MGAT4C: variants seen among roughly 807,000 people sequenced by gnomAD.
The protein encoded by MGAT4C is alpha-1,3-mannosyl-glycoprotein 4-beta-N-acetylglucosaminyltransferase C.
Under a neutral mutation model 40.1 loss-of-function variants are expected in MGAT4C, and 19 were observed. The ratio of observed to expected loss-of-function variants is 0.47; its 90% CI spans 0.33 to 0.70. The LOEUF (loss-of-function observed/expected upper bound fraction) is 0.70, where lower values mean the gene tolerates loss of function less well. MGAT4C is among the 30% of genes least tolerant of loss of function. MGAT4C has a pLI of 0.02. For synonymous variants in MGAT4C, 181 were observed against 187.1 expected, an observed-to-expected ratio of 0.97 and a Z score of 0.27; for missense variants, 491 against 563.2, an observed-to-expected ratio of 0.87 and a Z score of 1.30.
At chr12:86,567,885 T>C (rs1311250298) in intron 2 of MGAT4C, among the ~76,000 whole-genome samples, 1 of 152,228 alleles carries the variant, frequency 6.6e-6, no homozygotes, top group African/African-American at 2.4e-5. Context: ...ATTGACTTCA[T>C]ATCAGCATTT....
chr12:86,373,259 C>T (rs1471227287), intron 3 of MGAT4C, among the ~76,000 whole-genome samples: 1 of 151,876 alleles, frequency 6.6e-6, no homozygotes, highest in Non-Finnish European at 1.5e-5. Flanking sequence ...TTTATTTTTA[C>T]TGTAACATTT....
At chr12:86,486,682 T>C (rs1297825468) in intron 2 of MGAT4C, among the ~76,000 whole-genome samples, 1 of 152,004 alleles carries the variant, frequency 6.6e-6, no homozygotes, top group Non-Finnish European at 1.5e-5. Context: ...GGCAAACAAC[T>C]AACAAAAAAA....
At chr12:86,604,124 A>G (rs1593035438) in intron 2 of MGAT4C, among the ~76,000 whole-genome samples, 1 of 152,112 alleles carries the variant, frequency 6.6e-6, no homozygotes, top group East Asian at 1.9e-4. Context: ...TAATCAACGG[A>G]TAGCCTGGTT....
chr12:86,122,492 C>T (rs1879526500), intron 1 of MGAT4C, among the ~76,000 whole-genome samples: 1 of 152,078 alleles, frequency 6.6e-6, no homozygotes, highest in African/African-American at 2.4e-5. Context: ...ATTTATATGA[C>T]ACTTTTCATC....
At chr12:86,193,378 C>A (rs1435580154) in intron 1 of MGAT4C, among the ~76,000 whole-genome samples, 2 of 151,716 alleles carry the variant, frequency 1.3e-5, no homozygotes, top group African/African-American at 2.4e-5. Context: ...CTCACTTGCC[C>A]CACTATTAAT....
chr12:86,443,205 T>TAC (rs199586329), intron 2 of MGAT4C, among the ~76,000 whole-genome samples: 9,969 of 150,366 alleles, frequency 0.066, 770 homozygotes, highest in East Asian at 0.23. Context: ...TGTATATATA[T>TAC]ACACACACAC....
intron 2 of MGAT4C, among the ~76,000 whole-genome samples, chr12:86,574,265 T>C (rs982374930): frequency 6.6e-6 from 1 of 151,716 alleles, no homozygotes; most frequent in Non-Finnish European, 1.5e-5. Context: ...CATATTCAAG[T>C]AGGGATGACA....
chr12:86,349,009 A>G (rs753379280), intron 3 of MGAT4C, among the ~76,000 whole-genome samples: 32 of 152,144 alleles, frequency 2.1e-4, no homozygotes, highest in Admixed American at 8.5e-4. Flanking sequence ...AAAATTAAGC[A>G]TTTTGTTAGA....
chr12:86,653,832 AT>A (rs1565906162), intron 2 of MGAT4C, among the ~76,000 whole-genome samples: 3 of 151,968 alleles, frequency 2.0e-5, no homozygotes, highest in African/African-American at 7.2e-5. Flanking sequence ...AATATGTAGT[AT>A]TAAATAAAAT....
At chr12:86,774,348 TCTCTCCCCTCTC>T (rs1565981737) in intron 1 of MGAT4C, among the ~76,000 whole-genome samples, 8 of 63,466 alleles carry the variant, frequency 1.3e-4, no homozygotes, top group Non-Finnish European at 2.5e-4. Flanking sequence ...TCTGTCTCTC[TCTCTCCCCTCTC>T]TCTCTCTCTC....
intron 2 of MGAT4C, among the ~76,000 whole-genome samples, chr12:86,687,208 A>C (rs1160026628): frequency 6.6e-6 from 1 of 150,770 alleles, no homozygotes; most frequent in Admixed American, 6.6e-5. Flanking sequence ...TTCATTTTTT[A>C]TTTTCTATTC....
At chr12:86,667,924 TGATTGTTTGCACATG>T (rs1245334818) in intron 2 of MGAT4C, among the ~76,000 whole-genome samples, 2 of 152,212 alleles carry the variant, frequency 1.3e-5, no homozygotes, top group Non-Finnish European at 2.9e-5. Context: ...GAAGCAAGGT[TGATTGTTTGCACATG>T]GATTTTCTGG....
intron 1 of MGAT4C, among the ~76,000 whole-genome samples, chr12:86,744,562 A>T (rs1951122748): frequency 1.3e-5 from 2 of 151,464 alleles, no homozygotes; most frequent in Non-Finnish European, 3.0e-5. Context: ...GATTGAAGCA[A>T]CCACTGGTGA....
chr12:86,241,069 C>CA (rs913070541), intron 1 of MGAT4C, among the ~76,000 whole-genome samples: 46 of 151,778 alleles, frequency 3.0e-4, no homozygotes, highest in East Asian at 1.2e-3. Context: ...GCATTCCAGG[C>CA]AAAAAAATAA....
At chr12:86,374,431 C>A (rs1388369531) in intron 3 of MGAT4C, among the ~76,000 whole-genome samples, 2 of 152,022 alleles carry the variant, frequency 1.3e-5, no homozygotes, top group Non-Finnish European at 2.9e-5. Flanking sequence ...GCTACAAAGA[C>A]AACAGAGACT....
Position 86,061,803 on chromosome 12 carries a change from G to C in MGAT4C, c.-56-12080C>G, listed in dbSNP as rs146124743. 1.8e-4 allele frequency among the ~76,000 whole-genome samples: 28 copies of C among 152,260 alleles called. No homozygotes were observed. In the East Asian group the frequency reaches 4.5e-3, roughly 24 times the overall value. On this transcript the variant is annotated intron_variant, in intron 1 of 4. Transcript: ENST00000611864. Reference sequence around the variant, plus strand: ...TCCACCACAGCTCAGCAAGTCCACTGTGTTCAGACTGCCTCTCTAGATTTT... The same window carrying C: ...TCCACCACAGCTCAGCAAGTCCACTCTGTTCAGACTGCCTCTCTAGATTTT...
chr12:86,313,468 TG>T (rs1295275510), intron 4 of MGAT4C, among the ~76,000 whole-genome samples: 1 of 152,206 alleles, frequency 6.6e-6, no homozygotes, highest in Non-Finnish European at 1.5e-5. Flanking sequence ...CGAAGTCAGT[TG>T]ATCAGTGAAG....
intron 1 of MGAT4C, among the ~76,000 whole-genome samples, chr12:86,171,954 G>C (rs1886898658): frequency 6.6e-6 from 1 of 152,146 alleles, no homozygotes; most frequent in Admixed American, 6.5e-5. Context: ...AAGTTGAGTG[G>C]CTAAAAACCC....
At chr12:86,087,677 A>G (rs1872128081) in intron 1 of MGAT4C, among the ~76,000 whole-genome samples, 1 of 152,080 alleles carries the variant, frequency 6.6e-6, no homozygotes, top group African/African-American at 2.4e-5. Flanking sequence ...CTAGGAATAC[A>G]GCTAAACAGG....
Sources: gnomAD v4.1 joint callset for allele counts (sites outside exome capture counted in the v4.1 genomes callset) on GRCh38, gnomAD v4.1.1 for gene constraint, MANE v1.5 for transcripts, NCBI Gene and HGNC (gene_info 2026-07-23, HGNC 2026-07-21) for gene names.